KIF16B: variants seen among roughly 807,000 people sequenced by gnomAD.
The protein encoded by KIF16B is kinesin family member 16B.
Under a neutral mutation model 156.3 loss-of-function variants are expected in KIF16B, and 98 were observed. That is an observed-to-expected ratio of 0.63 (90% CI 0.53 to 0.74). The LOEUF is 0.74. KIF16B is among the 30% of genes least tolerant of loss of function. The pLI, the probability that KIF16B is intolerant of heterozygous loss-of-function variation, is 0.00. For missense variants in KIF16B, 1,421 were observed against 1,606.5 expected, an observed-to-expected ratio of 0.88 and a Z score of 1.97; for synonymous variants, 564 against 583.7, an observed-to-expected ratio of 0.97 and a Z score of 0.49.
At chr20:16,334,868 T>C (rs1029033927) in intron 24 of KIF16B, among the ~76,000 whole-genome samples, 3 of 152,172 alleles carry the variant, frequency 2.0e-5, no homozygotes, top group Non-Finnish European at 4.4e-5. Flanking sequence ...TAAACCTCTT[T>C]TCTTCATAAA....
rs138849281 is a variant in KIF16B at position 16,409,970 on chromosome 20, CATATATATAT to C, written c.1613-3524_1613-3515del. Among the ~76,000 whole-genome samples the C allele has an allele frequency of 8.9e-4, 38 of 42,690 alleles. 2 individuals are homozygous for C. The highest frequency in any genetic ancestry group is 4.9e-3 in the African/African-American group (34 of 6,938). 28.0% of individuals were successfully genotyped at this position (42,690 alleles called of 152,430 possible). The stretch of plus-strand genomic sequence containing the variant: ...CTACATATATATATATATATATATA[CATATATATAT>C]ATATATATATATGTAGGTACATATA... On this transcript the variant is annotated intron_variant, in intron 15 of 25. Transcript: ENST00000354981.
In KIF16B at chr20:16,504,425, C is replaced by G; in HGVS notation, c.1123G>C (p.Glu375Gln). 6.2e-7 allele frequency: 1 copy of G among 1,614,102 alleles called. No individual in the cohort carries two copies. The highest frequency in any genetic ancestry group is 8.5e-7 in the Non-Finnish European group (1 of 1,179,984). The change falls in exon 10 of 26, where the codon GAG (glutamate) becomes CAG (glutamine). Residue 375 changes from glutamate to glutamine, a missense_variant. Glu to Gln is a conservative substitution (Grantham distance 29, BLOSUM62 2). Transcript: ENST00000354981. Reference protein sequence around the residue: ...NEDANVKLIRELRAEIARLKT... With the variant: ...NEDANVKLIRQLRAEIARLKT... The stretch of plus-strand genomic sequence containing the variant: ...AGTCTGGCTATTTCAGCTCGCAGCT[C>G]ACGGATAAGTTTGACGTTGGCATCC...
intron 24 of KIF16B, among the ~76,000 whole-genome samples, chr20:16,320,215 T>C (rs2063754237): frequency 6.6e-6 from 1 of 152,132 alleles, no homozygotes; most frequent in African/African-American, 2.4e-5. Flanking sequence ...CCAATAAACC[T>C]AGCCTATATC....
At chr20:16,444,757 C>G (rs374429091) in intron 12 of KIF16B, among the ~76,000 whole-genome samples, 16 of 152,156 alleles carry the variant, frequency 1.1e-4, no homozygotes, top group East Asian at 3.8e-4. Context: ...CTCTCAGAAC[C>G]TTTGCATTCA....
rs904845437 is a variant in KIF16B, at chr20:16,426,999, C to T, written c.1612+105G>A. The T allele has an allele frequency of 7.9e-6, 8 of 1,017,730 alleles. No homozygotes were observed. The Admixed American group carries it at 2.1e-4, about 27-fold the overall frequency. The allele number at this position is 1,017,730 out of a possible 1,614,324, so 63.0% of individuals were successfully genotyped here. ...AGCAAACAGTCTCACCCTTTTTATACCTAATCAATAATTAATTCTAAGATG... is the reference window on the plus strand; with the variant it reads ...AGCAAACAGTCTCACCCTTTTTATATCTAATCAATAATTAATTCTAAGATG... On this transcript the variant is annotated intron_variant, in intron 15 of 25. Transcript: ENST00000354981.
rs77300766 is a variant in KIF16B at position 16,304,141 on chromosome 20, T to C, written c.3795+8194A>G. On this transcript the variant is annotated intron_variant, in intron 25 of 25. Coordinates refer to ENST00000354981, the MANE Select transcript of KIF16B (RefSeq NM_024704.5). The stretch of plus-strand genomic sequence containing the variant: ...TTGATGACATGCAGGGAGTCCTCCC[T>C]TTTCTCCCCTAGACTTCCATCTGAG... Among the ~76,000 whole-genome samples, 1,234 of 152,298 alleles carry C rather than the reference T, an allele frequency of 8.1e-3. 19 individuals are homozygous for C. The highest frequency in any genetic ancestry group is 0.026 in the African/African-American group (1,061 of 41,538).
intron 22 of KIF16B, chr20:16,367,250 AT>A: frequency 6.2e-7 from 1 of 1,612,870 alleles, no homozygotes; most frequent in Non-Finnish European, 8.5e-7. Flanking sequence ...TGAAGATACA[AT>A]GGGGTGGTGA....
At chr20:16,354,376 G>C (rs2064395296) in intron 23 of KIF16B, among the ~76,000 whole-genome samples, 1 of 151,968 alleles carries the variant, frequency 6.6e-6, no homozygotes, top group Non-Finnish European at 1.5e-5. Context: ...ATGGAAGCCA[G>C]TCTTCACTCT....
intron 14 of KIF16B, among the ~76,000 whole-genome samples, chr20:16,428,101 C>T (rs1044380940): frequency 6.6e-6 from 1 of 152,080 alleles, no homozygotes; most frequent in African/African-American, 2.4e-5. Context: ...CTACTTCTAC[C>T]CAAACATAGG....
intron 12 of KIF16B, among the ~76,000 whole-genome samples, chr20:16,452,080 C>CCCAGAAACCA (rs2067097037): frequency 1.3e-5 from 2 of 152,028 alleles, no homozygotes; most frequent in Admixed American, 1.3e-4. Context: ...AAGTAGCAGA[C>CCCAGAAACCA]CCAGAAACCA....
chr20:16,419,015 G>T (rs79832525), intron 15 of KIF16B, among the ~76,000 whole-genome samples: 4 of 151,854 alleles, frequency 2.6e-5, no homozygotes, highest in Non-Finnish European at 5.9e-5. Context: ...CAGAATCACA[G>T]ACATAAAAAA....
chr20:16,310,141 A>C (rs1003793937), intron 25 of KIF16B, among the ~76,000 whole-genome samples: 2 of 152,268 alleles, frequency 1.3e-5, no homozygotes, highest in Non-Finnish European at 2.9e-5. Context: ...GGTGAAATGC[A>C]TTAAATTTCA....
intron 1 of KIF16B, among the ~76,000 whole-genome samples, chr20:16,542,610 A>G (rs2070247796): frequency 6.6e-6 from 1 of 152,142 alleles, no homozygotes; most frequent in Admixed American, 6.5e-5. Flanking sequence ...TGGCCCAGAT[A>G]AAAAAACAGC....
At chr20:16,450,561 G>A (rs967864805) in intron 12 of KIF16B, among the ~76,000 whole-genome samples, 2 of 152,226 alleles carry the variant, frequency 1.3e-5, no homozygotes, top group Middle Eastern at 3.4e-3. Flanking sequence ...CTGTTCCTCC[G>A]CTCCAGTCCT....
chr20:16,283,895 G>A (rs372043331), intron 25 of KIF16B, among the ~76,000 whole-genome samples: 2 of 152,282 alleles, frequency 1.3e-5, no homozygotes, highest in South Asian at 4.1e-4. Flanking sequence ...CTGGGGTCCT[G>A]CCTGAGGTTC....
In KIF16B at chr20:16,425,893, A is replaced by G. The variant is rs1017991815; in HGVS notation, c.1612+1211T>C. ...TGACTCCCACTTCCACAGGCTTACC[A>G]GGCAGCATGACTGAGAGGCCTCAGG... On this transcript the variant is annotated intron_variant, in intron 15 of 25. Transcript: ENST00000354981. Among the ~76,000 whole-genome samples the G allele has an allele frequency of 2.0e-5, 3 of 152,178 alleles. No homozygotes were observed. The South Asian group carries it at 6.2e-4, about 32-fold the overall frequency.
intron 22 of KIF16B, among the ~76,000 whole-genome samples, chr20:16,357,440 C>T (rs2064465375): frequency 6.6e-6 from 1 of 152,156 alleles, no homozygotes; most frequent in Non-Finnish European, 1.5e-5. Flanking sequence ...ATCTAGAGCC[C>T]ACTTTCATCA....
intron 1 of KIF16B, among the ~76,000 whole-genome samples, chr20:16,561,551 T>A (rs1438376381): frequency 6.6e-6 from 1 of 152,160 alleles, no homozygotes; most frequent in African/African-American, 2.4e-5. Context: ...AAAATTCTTT[T>A]GCAAACTGAA....
rs567685633 is a variant in KIF16B, at chr20:16,377,005, G to A, written c.3197+1800C>T. Among the ~76,000 whole-genome samples the A allele has an allele frequency of 1.4e-4, 22 of 152,336 alleles. No individual in the cohort carries two copies. In the South Asian group the frequency reaches 4.6e-3, roughly 32 times the overall value. ...GAACTACCAGACAGCGATGGTAAAT[G>A]TAATCCATAGCATAAGCCAATCATT... On this transcript the variant is annotated intron_variant, in intron 19 of 25. Transcript: ENST00000354981.
Sources: allele counts gnomAD v4.1 joint callset (sites outside exome capture counted in the v4.1 genomes callset), GRCh38; gene constraint gnomAD v4.1.1; transcripts MANE v1.5; gene names NCBI Gene and HGNC (gene_info 2026-07-23, HGNC 2026-07-21).